Variants in REXO1 observed in about 807,000 individuals in gnomAD.
The protein encoded by REXO1 is RNA exonuclease 1 homolog, also known as REX1, RNA exonuclease 1 homolog.
A neutral mutation model predicts 102.6 loss-of-function variants in REXO1; 42 were observed. That is an observed-to-expected ratio of 0.41 (90% CI 0.32 to 0.53). The LOEUF (loss-of-function observed/expected upper bound fraction) is 0.53, where lower values mean the gene tolerates loss of function less well. REXO1 is among the 20% of genes least tolerant of loss of function. The pLI, the probability that REXO1 is intolerant of heterozygous loss-of-function variation, is 0.27. For synonymous variants in REXO1, 908 were observed against 779.1 expected (o/e 1.17, Z -2.76); for missense variants, 1,819 against 1,732.5 (o/e 1.05, Z -0.89).
At chr19:1,824,498 C>CTTTCAAG (rs1439593755) in intron 3 of REXO1, 1 of 152,242 alleles carries the variant, frequency 6.6e-6, no homozygotes, top group Non-Finnish European at 1.5e-5. Flanking sequence ...ACTTGCATGG[C>CTTTCAAG]TTTCAAGTTT....
chr19:1,837,815 C>G (rs2070084446), intron 1 of REXO1, among the ~76,000 whole-genome samples: 1 of 152,196 alleles, frequency 6.6e-6, no homozygotes, highest in African/African-American at 2.4e-5. Context: ...ACGGCAGGGT[C>G]CAGGGGAGAA....
rs1254350955 is a variant in REXO1, at chr19:1,826,370, G to GC, written c.1912-428dup. On this transcript the variant is annotated intron_variant, in intron 2 of 15. Coordinates refer to ENST00000170168, the MANE Select transcript of REXO1 (RefSeq NM_020695.4). The surrounding 1 kb of genome is among the most constrained non-coding windows in gnomAD (Gnocchi z 4.3). ...GGCTGGCCCAGGAGAGCAAGAGCTCGCCACGCTGGGAGTAGGGAGGAGGGA... is the reference window on the plus strand; with the variant it reads ...GGCTGGCCCAGGAGAGCAAGAGCTCGCCCACGCTGGGAGTAGGGAGGAGGGA... 1.3e-5 allele frequency among the ~76,000 whole-genome samples: 2 copies of GC among 151,382 alleles called. No homozygotes were observed. Among genetic ancestry groups the GC allele is most frequent in the African/African-American group, 4.9e-5 (2 of 40,824 alleles).
chr19:1,825,892 G>C lies in REXO1; in HGVS notation c.1963C>G (p.Leu655Val). Residue 655 changes from leucine (L) to valine (V), a missense_variant, in exon 3 of 16, where the codon CTG (leucine) becomes GTG (valine). Leu to Val is a conservative substitution (Grantham distance 32, BLOSUM62 1). Transcript: ENST00000170168. Reference sequence around the variant, plus strand: ...ATCCTCCTCTTCTGCCCGGGGAACAGAGTGGTCAGACCCGAAAGCCCCTTC... The same window carrying C: ...ATCCTCCTCTTCTGCCCGGGGAACACAGTGGTCAGACCCGAAAGCCCCTTC... ...EEKGLSGLTTLFPGQKRRISH... is the reference protein window; with the variant it reads ...EEKGLSGLTTVFPGQKRRISH... The C allele has an allele frequency of 1.2e-6, 2 of 1,613,434 alleles. No individual in the cohort carries two copies. Among genetic ancestry groups the C allele is most frequent in the Non-Finnish European group, 1.7e-6 (2 of 1,179,876 alleles).
In REXO1 at chr19:1,820,338, G is replaced by A. The variant is rs201201345; in HGVS notation, c.2452C>T (p.Arg818Cys). 6.2e-7 allele frequency: 1 copy of A among 1,613,910 alleles called. No homozygotes were observed. Among genetic ancestry groups the A allele is most frequent in the South Asian group, 1.1e-5 (1 of 91,076 alleles). The change falls in exon 6 of 16, where the codon CGC (arginine) becomes TGC (cysteine). Residue 818 changes from arginine to cysteine, a missense_variant. Coordinates refer to ENST00000170168, the MANE Select transcript of REXO1 (RefSeq NM_020695.4). ...ATGAACAGGTTGAGATAGCGCTGGC[G>A]GATGACGGTGGGGACTTTGCCCCCA... ...EFGGKVPTVIRQRYLNLFIEE... is the reference protein window; with the variant it reads ...EFGGKVPTVICQRYLNLFIEE...
chr19:1,847,180 C>T (rs1041036796), intron 1 of REXO1, among the ~76,000 whole-genome samples: 5 of 152,328 alleles, frequency 3.3e-5, no homozygotes, highest in Middle Eastern at 3.4e-3. Flanking sequence ...CTGCAAACAA[C>T]CGCCCACAGG....
Position 1,827,335 on chromosome 19 carries a change from G to A in REXO1, c.1454C>T (p.Thr485Ile). ...RPLQLPDRKS[T>I]KAPSGKLVER... is the part of the protein sequence containing the mutation. ...CACTAGCTTCCCCGACGGGGCCTTG[G>A]TGCTCTTCCTGTCGGGCAGCTGGAG... The change falls in exon 2 of 16, where the codon ACC (threonine) becomes ATC (isoleucine). Residue 485 changes from threonine to isoleucine, a missense_variant. Coordinates refer to ENST00000170168, the MANE Select transcript of REXO1 (RefSeq NM_020695.4). 1 of 1,555,416 alleles carries A rather than the reference G, an allele frequency of 6.4e-7. No individual in the cohort carries two copies. Among genetic ancestry groups the A allele is most frequent in the Non-Finnish European group, 8.7e-7 (1 of 1,154,922 alleles).
At position 1,821,677 on chromosome 19, in the gene REXO1, T is replaced by C. The variant is rs779087394; in HGVS notation, c.2236A>G (p.Thr746Ala). ...IPNPRLAAAP[T>A]GAKRTLAASG... is the part of the protein sequence containing the mutation. Reference sequence around the variant, plus strand: ...GCCGCAAGGGTCCTCTTGGCACCTGTGGGGGCTGGCGGGGCACAGGGGGTG... The same window carrying C: ...GCCGCAAGGGTCCTCTTGGCACCTGCGGGGGCTGGCGGGGCACAGGGGGTG... The change falls in exon 5 of 16, where the codon ACA becomes GCA. Residue 746 changes from threonine (T) to alanine (A), a missense_variant. Physicochemically the swap from Thr to Ala is moderately conservative, Grantham distance 58 (BLOSUM62 0). Coordinates refer to ENST00000170168, the MANE Select transcript of REXO1 (RefSeq NM_020695.4). 2 of 1,610,956 alleles carry C rather than the reference T, an allele frequency of 1.2e-6. No homozygotes were observed. The highest frequency in any genetic ancestry group is 2.2e-5 in the South Asian group (2 of 90,948).
rs3052937 is a variant in REXO1 at position 1,827,021 on chromosome 19, TGGA to T, written c.1765_1767del (p.Ser589del). 26,802 of 966,690 alleles carry T rather than the reference TGGA, an allele frequency of 0.028. 1 individual carries two copies. Among genetic ancestry groups the T allele is most frequent in the South Asian group, 0.045 (1,950 of 43,738 alleles). 59.9% of individuals were successfully genotyped at this position (966,690 alleles called of 1,614,324 possible). A position where few individuals can be genotyped will look rare whatever the true frequency, so the allele number is the denominator to read the frequency against. On this transcript the variant is annotated inframe_deletion, in exon 2 of 16. Coordinates refer to ENST00000170168, the MANE Select transcript of REXO1 (RefSeq NM_020695.4). The stretch of plus-strand genomic sequence containing the variant: ...TCCACATCCGCCCCCGCGCTGGAGG[TGGA>T]GGAGGAGGAGGAGGAGGAGGAGGAT...
At chr19:1,819,790 G>C (rs572363731) in intron 7 of REXO1, 144 bp downstream of exon 7, 2 of 902,142 alleles carry the variant, frequency 2.2e-6, no homozygotes, top group Admixed American at 3.7e-5. Flanking sequence ...CCAGGCAGCA[G>C]GCAGCCCCCC....
rs368075920 is a variant in REXO1, at chr19:1,820,104, G to A, written c.2527-47C>T. ...GCTGAGGCCATGCCTGCCTGGTGCC[G>A]GGGAGCCCCAGCGGTGGGGTCGCCA... On this transcript the variant is annotated intron_variant, in intron 6 of 15. Coordinates refer to ENST00000170168, the MANE Select transcript of REXO1 (RefSeq NM_020695.4). 318 of 1,580,444 alleles carry A rather than the reference G, an allele frequency of 2.0e-4. 3 individuals are homozygous for A. The South Asian group carries it at 2.9e-3, about 14-fold the overall frequency.
rs770107727 is a variant in REXO1, at chr19:1,828,176, C to A, written c.613G>T (p.Ala205Ser). Residue 205 changes from alanine (A) to serine (S), a missense_variant, in exon 2 of 16, where the codon GCT becomes TCT. By Grantham distance (99) the Ala-to-Ser change is moderately conservative. Transcript: ENST00000170168. ...GGGALEYVPK[A>S]VSQPRRHSRP... ...CTGTGCCGCCGGGGCTGGCTCACAG[C>A]CTTGGGGACGTATTCCAGGGCACCG... The A allele has an allele frequency of 4.4e-6, 7 of 1,608,550 alleles. No individual in the cohort carries two copies. In the African/African-American group the frequency reaches 5.4e-5, roughly 12 times the overall value.
intron 12 of REXO1, 44 bp from the exon 13 acceptor site, chr19:1,816,857 C>T: frequency 7.1e-7 from 1 of 1,413,104 alleles, no homozygotes; most frequent in East Asian, 2.3e-5. Context: ...AGGCACCGGC[C>T]TCCCTCCCTC....
intron 3 of REXO1, 52 bp downstream of exon 3, chr19:1,825,787 T>TAAAAAAA: frequency 1.0e-6 from 1 of 995,584 alleles, no homozygotes; most frequent in Non-Finnish European, 1.5e-6. Context: ...ACCTCGTCTT[T>TAAAAAAA]AAAAAAAAAA....
rs2069369520 is a variant in REXO1 at position 1,816,559 on chromosome 19, C to T, written c.3328G>A (p.Val1110Met). ...GTGTCGGCAAGGTCAGCCTCCGTCA[C>T]CCCCGAAAACCTGGGGGAACGGGCA... The part of the protein sequence containing the change: ...IVDYNTRFSG[V>M]TEADLADTSV... The change falls in exon 14 of 16, where the codon GTG becomes ATG. Residue 1110 changes from valine to methionine, a missense_variant. Transcript: ENST00000170168. 6.2e-7 allele frequency: 1 copy of T among 1,610,000 alleles called. No homozygotes were observed. The highest frequency in any genetic ancestry group is 8.5e-7 in the Non-Finnish European group (1 of 1,178,178).
chr19:1,843,218 C>T (rs2011375116), intron 1 of REXO1, among the ~76,000 whole-genome samples: 1 of 150,958 alleles, frequency 6.6e-6, no homozygotes. Flanking sequence ...GGTCCCAGCT[C>T]CCCGGGCCCA....
intron 1 of REXO1, among the ~76,000 whole-genome samples, chr19:1,841,206 C>T (rs1224252783): frequency 6.6e-6 from 1 of 152,220 alleles, no homozygotes; most frequent in Non-Finnish European, 1.5e-5. Context: ...CTCCCTTCTA[C>T]CCTGTTTATT....
chr19:1,829,842 C>T (rs1395155161), intron 1 of REXO1, among the ~76,000 whole-genome samples: 1 of 152,166 alleles, frequency 6.6e-6, no homozygotes, highest in Non-Finnish European at 1.5e-5. Flanking sequence ...GGAGTCTCAC[C>T]ATATTGGCCA....
At chr19:1,846,282 A>C (rs2011535694) in intron 1 of REXO1, among the ~76,000 whole-genome samples, 1 of 152,192 alleles carries the variant, frequency 6.6e-6, no homozygotes, top group Admixed American at 6.5e-5. Context: ...GGGCAGCCTG[A>C]TGAACATGTC....
In REXO1 at chr19:1,827,349, G is replaced by C. The variant is rs751172586; in HGVS notation, c.1440C>G (p.Pro480=). The change falls in exon 2 of 16, where the codon CCC becomes CCG. Residue 480 remains proline (P), a synonymous_variant. Transcript: ENST00000170168. ...GRGPPRPLQL[P]DRKSTKAPSG... Reference sequence around the variant, plus strand: ...ACGGGGCCTTGGTGCTCTTCCTGTCGGGCAGCTGGAGGGGGCGGGGTGGGC... The same window carrying C: ...ACGGGGCCTTGGTGCTCTTCCTGTCCGGCAGCTGGAGGGGGCGGGGTGGGC... The C allele has an allele frequency of 1.9e-6, 3 of 1,550,100 alleles. No individual in the cohort carries two copies. The highest frequency in any genetic ancestry group is 1.4e-5 in the African/African-American group (1 of 73,414).
Sources: gnomAD v4.1 joint callset for allele counts (sites outside exome capture counted in the v4.1 genomes callset) on GRCh38, gnomAD v4.1.1 for gene constraint, Gnocchi (gnomAD v3.1) non-coding constraint, MANE v1.5 for transcripts, NCBI Gene and HGNC (gene_info 2026-07-23, HGNC 2026-07-21) for gene names.